Variants in PACS2 observed in about 807,000 individuals in gnomAD.
The protein encoded by PACS2 is phosphofurin acidic cluster sorting protein 2, also known as PACS1-like protein.
PACS2 carries 36 observed loss-of-function variants against 113.0 expected under a neutral mutation model. That is an observed-to-expected ratio of 0.32 (90% CI 0.24 to 0.42). The LOEUF (loss-of-function observed/expected upper bound fraction) is 0.42, where lower values mean the gene tolerates loss of function less well. PACS2 is among the 10% of genes least tolerant of loss of function. The pLI, the probability that PACS2 is intolerant of heterozygous loss-of-function variation, is 1.00. For missense variants in PACS2, 1,015 were observed against 1,239.5 expected, an observed-to-expected ratio of 0.82 and a Z score of 2.72; for synonymous variants, 589 against 536.1, an observed-to-expected ratio of 1.10 and a Z score of -1.36.
intron 1 of PACS2, among the ~76,000 whole-genome samples, chr14:105,320,219 G>A (rs764853003): frequency 3.9e-5 from 6 of 151,902 alleles, no homozygotes; most frequent in East Asian, 1.9e-4. Context: ...CTTGTTATCC[G>A]TCCACCTCAG....
rs1555415290 is a variant in PACS2, at chr14:105,392,785, G to A, written c.2422G>A (p.Glu808Lys). 3.1e-6 allele frequency: 5 copies of A among 1,610,744 alleles called. No individual in the cohort carries two copies. Among genetic ancestry groups the A allele is most frequent in the Non-Finnish European group, 3.4e-6 (4 of 1,179,990 alleles). Reference protein sequence around the residue: ...LQVSRLPSSGEAAATPTMSMT... With the variant: ...LQVSRLPSSGKAAATPTMSMT... ...GGTCAGCAGGCTGCCCAGCAGCGGCGAGGCTGCAGCCACGCCCACCATGTC... is the reference window on the plus strand; with the variant it reads ...GGTCAGCAGGCTGCCCAGCAGCGGCAAGGCTGCAGCCACGCCCACCATGTC... Residue 808 changes from glutamate (E) to lysine (K), a missense_variant, in exon 23 of 25, where the codon GAG becomes AAG. Around this residue, in one of 3 missense-constraint regions of PACS2, gnomAD observed 859 missense variants for 1,056.8 expected, o/e 0.81. Transcript: ENST00000447393.
intron 12 of PACS2, among the ~76,000 whole-genome samples, chr14:105,381,312 T>C (rs1316725151): frequency 2.0e-5 from 3 of 152,178 alleles, no homozygotes; most frequent in African/African-American, 7.2e-5. Flanking sequence ...GATTCCACCC[T>C]ACCTGTTTGA....
rs959751033 is a variant in PACS2, at chr14:105,340,201, C to T, written c.120-8292C>T. Among the ~76,000 whole-genome samples the T allele has an allele frequency of 6.6e-6, 1 of 152,188 alleles. No homozygotes were observed. The highest frequency in any genetic ancestry group is 2.1e-4 in the South Asian group (1 of 4,830). ...ATGTACCAGCAGAAACACATGCGATCGTAATGTGCTTCAGAAATGGCCTCA... is the reference window on the plus strand; with the variant it reads ...ATGTACCAGCAGAAACACATGCGATTGTAATGTGCTTCAGAAATGGCCTCA... On this transcript the variant is annotated intron_variant, in intron 1 of 24. Coordinates refer to ENST00000447393, the MANE Select transcript of PACS2 (RefSeq NM_001100913.3). This position sits in a 1 kb window ranked among gnomAD's most constrained non-coding sequence, Gnocchi z 4.2.
At chr14:105,325,819 A>G (rs587701496) in intron 1 of PACS2, among the ~76,000 whole-genome samples, 1 of 152,348 alleles carries the variant, frequency 6.6e-6, no homozygotes, top group South Asian at 2.1e-4. Context: ...CACCAAGCCA[A>G]TGCTGATGGG....
At chr14:105,379,661 G>A in intron 9 of PACS2, 78 bp from the exon 10 acceptor site, 2 of 1,148,498 alleles carry the variant, frequency 1.7e-6, no homozygotes, top group Non-Finnish European at 2.6e-6. Context: ...CCCTCCAGGT[G>A]TGGTGGGAGA....
rs1555412705 is a variant in PACS2 at position 105,383,483 on chromosome 14, G to A, written c.1750G>A (p.Gly584Ser). 1.2e-6 allele frequency: 2 copies of A among 1,602,796 alleles called. No individual in the cohort carries two copies. The highest frequency in any genetic ancestry group is 8.5e-7 in the Non-Finnish European group (1 of 1,175,660). Residue 584 changes from glycine (G) to serine (S), a missense_variant, in exon 16 of 25, where the codon GGC becomes AGC. This residue lies in a region of PACS2 where 859 missense variants were observed against 1,056.8 expected (regional missense o/e 0.81). Coordinates refer to ENST00000447393, the MANE Select transcript of PACS2 (RefSeq NM_001100913.3). ...QLSHKTPDWL[G>S]YMRFLVIPLG... ...GTCCCACAAGACACCCGACTGGCTC[G>A]GCTACATGCGCTTCCTGGTCATCCC...
Position 105,382,523 on chromosome 14 carries a change from C to T in PACS2, c.1460C>T (p.Ser487Phe), listed in dbSNP as rs150142760. ...GACCAGCTCAACCACATCCTCATCT[C>T]CGATGACCAGCTTCCCGAAAACATC... ...VYDQLNHILI[S>F]DDQLPENIIL... Residue 487 changes from serine (S) to phenylalanine (F), a missense_variant, in exon 14 of 25, where the codon TCC becomes TTC. This residue lies in a region of PACS2 where 859 missense variants were observed against 1,056.8 expected (regional missense o/e 0.81). Coordinates refer to ENST00000447393, the MANE Select transcript of PACS2 (RefSeq NM_001100913.3). The T allele has an allele frequency of 4.3e-6, 7 of 1,613,246 alleles. No individual in the cohort carries two copies. The highest frequency in any genetic ancestry group is 5.1e-6 in the Non-Finnish European group (6 of 1,179,304).
rs781925396 is a variant in PACS2 at position 105,352,479 on chromosome 14, A to T, written c.297+12A>T. On this transcript the variant is annotated intron_variant, in intron 3 of 24. Transcript: ENST00000447393. ...CCTTCTCCTTGCAGGTGAGTCTTTC[A>T]CCAGTGGTGACGACACCCTCATCAC... 3.2e-6 allele frequency: 5 copies of T among 1,543,668 alleles called. No individual in the cohort carries two copies. The highest frequency in any genetic ancestry group is 1.8e-6 in the Non-Finnish European group (2 of 1,117,250).
At chr14:105,306,824 T>C (rs1009787706) in intron 1 of PACS2, among the ~76,000 whole-genome samples, 3 of 152,126 alleles carry the variant, frequency 2.0e-5, no homozygotes, top group Admixed American at 6.5e-5. Context: ...CAGGCTCGTC[T>C]TGAATTCCTG....
intron 1 of PACS2, among the ~76,000 whole-genome samples, chr14:105,333,466 C>T (rs2059383465): frequency 6.6e-6 from 1 of 152,250 alleles, no homozygotes; most frequent in South Asian, 2.1e-4. Context: ...TCCTGTCCTG[C>T]TGGGGGCACA....
intron 4 of PACS2, among the ~76,000 whole-genome samples, chr14:105,364,914 T>C (rs1303095663): frequency 6.6e-6 from 1 of 152,136 alleles, no homozygotes; most frequent in Non-Finnish European, 1.5e-5. Context: ...CCCAGGCTGG[T>C]CTCAAACTCC....
upstream of PACS2, among the ~76,000 whole-genome samples, chr14:105,313,255 C>T (rs952968633): frequency 6.6e-6 from 1 of 152,218 alleles, no homozygotes; most frequent in Non-Finnish European, 1.5e-5. Context: ...GTTCTGGGGT[C>T]AATGGGTGCC....
chr14:105,343,409 G>A (rs2059807356), intron 1 of PACS2, among the ~76,000 whole-genome samples: 1 of 152,196 alleles, frequency 6.6e-6, no homozygotes, highest in South Asian at 2.1e-4. Flanking sequence ...GGTCCTGTAT[G>A]TTTAACTTTG....
Position 105,381,144 on chromosome 14 carries a change from G to T in PACS2, c.1268+45G>T, listed in dbSNP as rs587657390. The T allele has an allele frequency of 4.5e-6, 7 of 1,561,670 alleles. No individual in the cohort carries two copies. In the East Asian group the frequency reaches 9.1e-5, roughly 20 times the overall value. The stretch of plus-strand genomic sequence containing the variant: ...GGGGCGGGGCGGTGATGCACCTGTC[G>T]GGGGAGGGGCCGTCACGGGCATCAG... On this transcript the variant is annotated intron_variant, in intron 12 of 24. Transcript: ENST00000447393.
chr14:105,374,967 C>G (rs1440805299), intron 8 of PACS2: 1 of 152,192 alleles, frequency 6.6e-6, no homozygotes, highest in African/African-American at 2.4e-5. Flanking sequence ...ATTGCAGATG[C>G]TTAAGCCAAG....
At chr14:105,375,639 A>G (rs995840882) in intron 8 of PACS2, among the ~76,000 whole-genome samples, 1 of 152,226 alleles carries the variant, frequency 6.6e-6, no homozygotes, top group Non-Finnish European at 1.5e-5. Flanking sequence ...CCCCACTAGG[A>G]TGGCTGGAAC....
chr14:105,359,219 T>C (rs1335517780), intron 4 of PACS2, among the ~76,000 whole-genome samples: 3 of 151,572 alleles, frequency 2.0e-5, no homozygotes, highest in Non-Finnish European at 4.4e-5. Flanking sequence ...CAGAGCCACC[T>C]CCAGCCCCGC....
chr14:105,392,646 G>A lies in PACS2; in HGVS notation c.2283G>A (p.Gly761=). ...PSQGVGAELM[G]LQVDYWTAAQ... is the part of the protein sequence containing the mutation. ...AGGGTGTCGGCGCCGAGCTGATGGG[G>A]CTGCAGGTGGACTACTGGACGGCAG... The change falls in exon 23 of 25, where the codon GGG becomes GGA. Residue 761 remains glycine (G), a synonymous_variant. Coordinates refer to ENST00000447393, the MANE Select transcript of PACS2 (RefSeq NM_001100913.3). The A allele has an allele frequency of 6.2e-7, 1 of 1,611,158 alleles. No homozygotes were observed.
At chr14:105,383,299 G>A (rs781982474) in intron 15 of PACS2, 60 bp from the exon 16 acceptor site, 4 of 1,579,330 alleles carry the variant, frequency 2.5e-6, no homozygotes, top group Non-Finnish European at 3.4e-6. Context: ...ATCCTTGGAT[G>A]GAGGACGGCT....
Sources: allele counts gnomAD v4.1 joint callset (sites outside exome capture counted in the v4.1 genomes callset), GRCh38; gene constraint gnomAD v4.1.1; regional missense constraint gnomAD v4.1.1; non-coding constraint Gnocchi (gnomAD v3.1); transcripts MANE v1.5; gene names NCBI Gene and HGNC (gene_info 2026-07-23, HGNC 2026-07-21).